The following SGCD variants were observed in gnomAD, a reference collection of about 807,000 sequenced individuals.
The protein encoded by SGCD is sarcoglycan delta.
In SGCD, 18 loss-of-function variants were observed where a neutral mutation model predicts 36.6. That is an observed-to-expected ratio of 0.49 (90% CI 0.34 to 0.73). SGCD has a LOEUF of 0.73. Ranked by LOEUF, SGCD falls within the 30% of genes least tolerant of loss-of-function variation. The probability of loss-of-function intolerance (pLI) is 0.01; values close to 1 mark genes in which losing one functional copy is unlikely to be tolerated. For missense variants in SGCD, 387 were observed against 346.7 expected (o/e 1.12, Z -0.92); for synonymous variants, 133 against 130.6 (o/e 1.02, Z -0.12).
At chr5:156,435,144 G>C (rs533183579) in intron 3 of SGCD, among the ~76,000 whole-genome samples, 3 of 152,282 alleles carry the variant, frequency 2.0e-5, no homozygotes, top group African/African-American at 7.2e-5. Flanking sequence ...TTGATTCATA[G>C]ACTGTAGGAA....
intron 3 of SGCD, among the ~76,000 whole-genome samples, chr5:156,124,531 G>T (rs962633677): frequency 1.3e-5 from 2 of 151,952 alleles, no homozygotes; most frequent in East Asian, 1.9e-4. Context: ...AAGTCAAAAG[G>T]TCTCGATTAT....
At chr5:156,665,158 G>T (rs1013463123) in intron 7 of SGCD, among the ~76,000 whole-genome samples, 4 of 152,176 alleles carry the variant, frequency 2.6e-5, no homozygotes, top group East Asian at 3.8e-4. Flanking sequence ...GGCTACTGGC[G>T]GTTGGGTCTT....
intron 6 of SGCD, among the ~76,000 whole-genome samples, chr5:156,611,046 G>C (rs934216112): frequency 6.6e-6 from 1 of 152,190 alleles, no homozygotes; most frequent in African/African-American, 2.4e-5. Context: ...TGCACCCACT[G>C]TCCTGCACCC....
At chr5:156,508,242 G>A (rs77324277) in intron 3 of SGCD, among the ~76,000 whole-genome samples, 2,856 of 152,144 alleles carry the variant, frequency 0.019, 31 homozygotes, top group Non-Finnish European at 0.031. Context: ...TCTGGAAATA[G>A]GATCTTTCAC....
chr5:156,389,045 A>G (rs569760514), intron 3 of SGCD, among the ~76,000 whole-genome samples: 1 of 152,302 alleles, frequency 6.6e-6, no homozygotes, highest in South Asian at 2.1e-4. Flanking sequence ...GGACTTATAC[A>G]TTGCCTCCCA....
intron 1 of SGCD, among the ~76,000 whole-genome samples, chr5:155,994,726 C>A (rs367832703): frequency 8.5e-5 from 13 of 152,168 alleles, no homozygotes; most frequent in African/African-American, 3.1e-4. Flanking sequence ...AATGGTTCTA[C>A]AATTGTTTTG....
chr5:156,552,993 T>C (rs1425926699), intron 4 of SGCD, among the ~76,000 whole-genome samples: 2 of 152,174 alleles, frequency 1.3e-5, no homozygotes, highest in Admixed American at 1.3e-4. Flanking sequence ...TTCTGATGGT[T>C]GGCAAGTTCA....
In SGCD at chr5:156,729,911, C is replaced by G. The variant is rs142573237; in HGVS notation, c.576-27670C>G. 2.2e-3 allele frequency among the ~76,000 whole-genome samples: 341 copies of G among 152,116 alleles called. 2 individuals carry two copies. Among genetic ancestry groups the G allele is most frequent in the African/African-American group, 8.0e-3 (331 of 41,466 alleles). On this transcript the variant is annotated intron_variant, in intron 7 of 8. Coordinates refer to ENST00000337851, the MANE Select transcript of SGCD (RefSeq NM_000337.6). ...CTTCAACAAAGGAAGTGCAAAAATC[C>G]CAAGAGGCCAAGTAAAATGAAATTA... is the stretch of plus-strand genomic sequence containing the variant.
At chr5:156,642,111 G>A (rs1264220752) in intron 6 of SGCD, among the ~76,000 whole-genome samples, 1 of 152,164 alleles carries the variant, frequency 6.6e-6, no homozygotes, top group African/African-American at 2.4e-5. Flanking sequence ...TTCACATGGT[G>A]GAGAAAGAGC....
At chr5:156,394,798 A>G (rs577658977) in intron 3 of SGCD, among the ~76,000 whole-genome samples, 14 of 152,322 alleles carry the variant, frequency 9.2e-5, no homozygotes, top group Admixed American at 3.3e-4. Context: ...GGATGCGCCA[A>G]TTCTGTCTCT....
intron 1 of SGCD, among the ~76,000 whole-genome samples, chr5:155,899,662 A>G (rs542512258): frequency 6.6e-6 from 1 of 152,222 alleles, no homozygotes; most frequent in African/African-American, 2.4e-5. Context: ...TCCTGTTTAG[A>G]CCACCCCCCA....
intron 3 of SGCD, among the ~76,000 whole-genome samples, chr5:156,269,523 A>C (rs1766112725): frequency 6.9e-6 from 1 of 144,896 alleles, no homozygotes. Context: ...ATCAGATCTC[A>C]TGAAACTTAT....
chr5:156,072,330 T>C (rs1365124346), intron 1 of SGCD, among the ~76,000 whole-genome samples: 2 of 152,068 alleles, frequency 1.3e-5, no homozygotes, highest in Non-Finnish European at 2.9e-5. Context: ...GGTCTGGTGG[T>C]CACATAATCT....
intron 1 of SGCD, among the ~76,000 whole-genome samples, chr5:156,037,081 G>A (rs1278864631): frequency 3.3e-5 from 5 of 152,170 alleles, no homozygotes; most frequent in Non-Finnish European, 5.9e-5. Flanking sequence ...CATAAAGAGT[G>A]CTCAGTAATT....
At chr5:155,979,364 T>C (rs1164632798) in intron 1 of SGCD, among the ~76,000 whole-genome samples, 1 of 152,154 alleles carries the variant, frequency 6.6e-6, no homozygotes, top group African/African-American at 2.4e-5. Flanking sequence ...GCCTACGATA[T>C]AAGGTGAACT....
chr5:156,222,858 A>G (rs1443692672), intron 3 of SGCD, among the ~76,000 whole-genome samples: 1 of 152,010 alleles, frequency 6.6e-6, no homozygotes, highest in Non-Finnish European at 1.5e-5. Flanking sequence ...ATTTTTTCCT[A>G]CTTAGTACAA....
At chr5:156,269,371 G>A (rs1277436571) in intron 3 of SGCD, among the ~76,000 whole-genome samples, 1 of 149,646 alleles carries the variant, frequency 6.7e-6, no homozygotes, top group African/African-American at 2.5e-5. Context: ...TCAGGAGGCT[G>A]AAGCAGGAGA....
At chr5:156,275,561 G>T (rs1388480495) in intron 3 of SGCD, among the ~76,000 whole-genome samples, 1 of 152,100 alleles carries the variant, frequency 6.6e-6, no homozygotes, top group Non-Finnish European at 1.5e-5. Flanking sequence ...TTAATGAGTG[G>T]CAGTCTTCTT....
chr5:156,009,635 A>G (rs575624981), intron 1 of SGCD, among the ~76,000 whole-genome samples: 1 of 152,208 alleles, frequency 6.6e-6, no homozygotes, highest in Non-Finnish European at 1.5e-5. Context: ...TAAAGAAACA[A>G]TCAGGTTATG....
Sources: gnomAD v4.1 joint callset for allele counts (sites outside exome capture counted in the v4.1 genomes callset) on GRCh38, gnomAD v4.1.1 for gene constraint, MANE v1.5 for transcripts, NCBI Gene and HGNC (gene_info 2026-07-23, HGNC 2026-07-21) for gene names.